ATP6V1E1: variants seen among roughly 807,000 people sequenced by gnomAD.
The protein encoded by ATP6V1E1 is V-type proton ATPase subunit E 1.
Under a neutral mutation model 35.2 loss-of-function variants are expected in ATP6V1E1, and 21 were observed. The observed-to-expected ratio is 0.60, with a 90% CI of 0.42 to 0.86. ATP6V1E1 has a LOEUF of 0.86. Among genes scored for constraint, ATP6V1E1 ranks in the 40% least tolerant of loss-of-function variants. The pLI is 0.00. For missense variants in ATP6V1E1, 183 were observed against 272.6 expected (o/e 0.67, Z 2.32); for synonymous variants, 83 against 87.8 (o/e 0.95, Z 0.30).
chr22:17,621,403 A>G (rs1029224272), intron 1 of ATP6V1E1, among the ~76,000 whole-genome samples: 20 of 152,096 alleles, frequency 1.3e-4, no homozygotes, highest in African/African-American at 4.8e-4. Context: ...TCCGCCTTCT[A>G]CAGCTCAAGC....
chr22:17,616,342 C>T (rs865921597), intron 2 of ATP6V1E1, among the ~76,000 whole-genome samples: 7 of 151,412 alleles, frequency 4.6e-5, no homozygotes, highest in Middle Eastern at 3.5e-3. Context: ...AGGGAGACTC[C>T]GTCTCAAAAC....
At chr22:17,617,357 G>C (rs190062398) in intron 2 of ATP6V1E1, among the ~76,000 whole-genome samples, 17 of 152,150 alleles carry the variant, frequency 1.1e-4, no homozygotes, top group Admixed American at 3.9e-4. Context: ...GCAGTGGTGC[G>C]ATCTCAGCTC....
rs909222271 is a variant in ATP6V1E1, at chr22:17,628,725, C to T, written c.-90G>A. 1.9e-6 allele frequency: 3 copies of T among 1,564,244 alleles called. No individual in the cohort carries two copies. The highest frequency in any genetic ancestry group is 4.5e-5 in the East Asian group (2 of 44,580). On this transcript the variant is annotated 5_prime_UTR_variant, in exon 1 of 9. Coordinates refer to ENST00000253413, the MANE Select transcript of ATP6V1E1 (RefSeq NM_001696.4). ...GAAATCGGCAAAGGGAACCCCTGCG[C>T]AGATCTCGGGTTCCTTTACTTTATA...
intron 6 of ATP6V1E1, 125 bp from the exon 7 acceptor site, chr22:17,598,413 G>A: frequency 1.3e-6 from 1 of 743,532 alleles, no homozygotes; most frequent in East Asian, 2.6e-5. Flanking sequence ...AGGCACCGCT[G>A]GTGGGAATGT....
chr22:17,596,095 G>A (rs558298744), intron 7 of ATP6V1E1, among the ~76,000 whole-genome samples: 2 of 152,224 alleles, frequency 1.3e-5, no homozygotes, highest in South Asian at 4.1e-4. Flanking sequence ...TCGTGCCACT[G>A]CACTCCAGCC....
intron 8 of ATP6V1E1, 130 bp from the exon 9 acceptor site, chr22:17,592,866 A>G (rs1185629517): frequency 1.3e-6 from 1 of 755,536 alleles, no homozygotes; most frequent in Non-Finnish European, 2.2e-6. Flanking sequence ...GCAGTGGCGC[A>G]TCTCCGCTCA....
At chr22:17,620,841 A>T (rs1280175423) in intron 1 of ATP6V1E1, among the ~76,000 whole-genome samples, 1 of 152,070 alleles carries the variant, frequency 6.6e-6, no homozygotes, top group Non-Finnish European at 1.5e-5. Context: ...AGGCGGGCGG[A>T]TCACGAGGTC....
At chr22:17,602,211 T>C (rs5747256) in intron 4 of ATP6V1E1, among the ~76,000 whole-genome samples, 52,844 of 151,796 alleles carry the variant, frequency 0.35, 9,517 homozygotes, top group African/African-American at 0.41. Context: ...CCAGCCTCAA[T>C]TTTCTTGGTT....
intron 4 of ATP6V1E1, among the ~76,000 whole-genome samples, chr22:17,603,249 C>T (rs1312537209): frequency 6.6e-6 from 1 of 152,170 alleles, no homozygotes; most frequent in African/African-American, 2.4e-5. Context: ...CATGCCCAGA[C>T]TTAAAGAAAC....
At chr22:17,624,287 G>A (rs913060971) in intron 1 of ATP6V1E1, among the ~76,000 whole-genome samples, 3 of 152,190 alleles carry the variant, frequency 2.0e-5, no homozygotes, top group East Asian at 1.9e-4. Context: ...CGGGTGCAGT[G>A]GCTGACACCT....
Position 17,609,454 on chromosome 22 carries a change from C to A in ATP6V1E1, c.276+3358G>T, listed in dbSNP as rs2057803588. On this transcript the variant is annotated intron_variant, in intron 4 of 8. Coordinates refer to ENST00000253413, the MANE Select transcript of ATP6V1E1 (RefSeq NM_001696.4). ...GGATTACAGGCGTGAGCCACCATGC[C>A]CATCCTGCTCTTTTTTTTTTTTTTT... Among the ~76,000 whole-genome samples, 4 of 147,920 alleles carry A rather than the reference C, an allele frequency of 2.7e-5. No homozygotes were observed. In the South Asian group the frequency reaches 8.5e-4, roughly 31 times the overall value.
At chr22:17,611,911 G>A (rs9605340) in intron 4 of ATP6V1E1, among the ~76,000 whole-genome samples, 2 of 152,186 alleles carry the variant, frequency 1.3e-5, no homozygotes, top group African/African-American at 4.8e-5. Context: ...TATATTTTTA[G>A]TTTTATAGCT....
intron 1 of ATP6V1E1, among the ~76,000 whole-genome samples, chr22:17,621,778 G>A (rs762421687): frequency 3.4e-4 from 52 of 151,990 alleles, no homozygotes; most frequent in Non-Finnish European, 5.0e-4. Flanking sequence ...AACTTTTTGG[G>A]CCTCAGCTTG....
At chr22:17,596,241 C>T (rs1183911739) in intron 7 of ATP6V1E1, among the ~76,000 whole-genome samples, 1 of 152,150 alleles carries the variant, frequency 6.6e-6, no homozygotes, top group African/African-American at 2.4e-5. Flanking sequence ...AGTCTGTTCC[C>T]TCAGAAACTA....
chr22:17,609,571 C>T (rs1203641871), intron 4 of ATP6V1E1, among the ~76,000 whole-genome samples: 1 of 150,744 alleles, frequency 6.6e-6, no homozygotes, highest in Non-Finnish European at 1.5e-5. Flanking sequence ...TGGGTTCACG[C>T]CTTTCTCCTG....
chr22:17,627,841 G>C (rs73376727), intron 1 of ATP6V1E1, among the ~76,000 whole-genome samples: 16,556 of 145,930 alleles, frequency 0.11, 1,435 homozygotes, highest in African/African-American at 0.24. Flanking sequence ...AAGAAAAAAA[G>C]AAAAAAACAC....
At chr22:17,611,603 A>G (rs1205648705) in intron 4 of ATP6V1E1, among the ~76,000 whole-genome samples, 1 of 152,224 alleles carries the variant, frequency 6.6e-6, no homozygotes, top group African/African-American at 2.4e-5. Flanking sequence ...CAAACAGAAA[A>G]AAGAACTAGT....
intron 3 of ATP6V1E1, 57 bp downstream of exon 3, chr22:17,613,154 C>T (rs2057823719): frequency 6.8e-7 from 1 of 1,476,862 alleles, no homozygotes; most frequent in Non-Finnish European, 9.4e-7. Flanking sequence ...CTCCAAAGCG[C>T]CTGCTCATGA....
intron 4 of ATP6V1E1, among the ~76,000 whole-genome samples, chr22:17,607,132 C>T (rs1198858316): frequency 6.6e-6 from 1 of 151,970 alleles, no homozygotes; most frequent in East Asian, 1.9e-4. Flanking sequence ...TTTTTTTCAC[C>T]ATTCTTTACC....
Sources: allele counts gnomAD v4.1 joint callset (sites outside exome capture counted in the v4.1 genomes callset), GRCh38; gene constraint gnomAD v4.1.1; transcripts MANE v1.5; gene names NCBI Gene and HGNC (gene_info 2026-07-23, HGNC 2026-07-21).